The following USP25 variants were observed in gnomAD, a reference collection of about 807,000 sequenced individuals.
USP25 encodes ubiquitin specific peptidase 25.
In USP25, 85 loss-of-function variants were observed where a neutral mutation model predicts 158.5. That is an observed-to-expected ratio of 0.54 (90% CI 0.45 to 0.64). USP25 has a LOEUF of 0.64. Ranked by LOEUF, USP25 falls within the 30% of genes least tolerant of loss-of-function variation. USP25 has a pLI of 0.00. For synonymous variants in USP25, 464 were observed against 460.4 expected (o/e 1.01, Z -0.10); for missense variants, 1,242 against 1,327.3 (o/e 0.94, Z 1.00).
At chr21:15,750,291 GCACAAT>G (rs1374043512) in intron 1 of USP25, among the ~76,000 whole-genome samples, 31 of 143,782 alleles carry the variant, frequency 2.2e-4, no homozygotes, top group Non-Finnish European at 1.5e-5. Context: ...GAGTGAAGTG[GCACAAT>G]CTTGGTTCAC....
chr21:15,875,017 C>A lies in USP25; in HGVS notation c.3009+491C>A, dbSNP rs2040045452. ...CCATCTCGACTAAAATACACAAACACAAAAATTAGCTGGATATGGTGGTGT... is the reference window on the plus strand; with the variant it reads ...CCATCTCGACTAAAATACACAAACAAAAAAATTAGCTGGATATGGTGGTGT... On this transcript the variant is annotated intron_variant, in intron 24 of 25. Transcript: ENST00000400183. The surrounding 1 kb of genome is among the most constrained non-coding windows in gnomAD (Gnocchi z 4.7). Among the ~76,000 whole-genome samples the A allele has an allele frequency of 6.6e-6, 1 of 151,924 alleles. No homozygotes were observed. The highest frequency in any genetic ancestry group is 2.1e-4 in the South Asian group (1 of 4,814).
intron 1 of USP25, among the ~76,000 whole-genome samples, chr21:15,755,129 G>T (rs2033290144): frequency 6.6e-6 from 1 of 152,004 alleles, no homozygotes; most frequent in South Asian, 2.1e-4. Context: ...TGAAGTTTAA[G>T]AATGTCTTTG....
intron 12 of USP25, 31 bp downstream of exon 12, chr21:15,825,092 A>G: frequency 6.7e-7 from 1 of 1,498,328 alleles, no homozygotes. Context: ...TTAGGAGATA[A>G]TTATCAGAAA....
At chr21:15,836,815 C>T (rs567946389) in intron 17 of USP25, among the ~76,000 whole-genome samples, 2 of 132,980 alleles carry the variant, frequency 1.5e-5, no homozygotes, top group South Asian at 2.7e-4. Flanking sequence ...AGATTTTCAG[C>T]CAGCCATCCT....
intron 6 of USP25, among the ~76,000 whole-genome samples, chr21:15,800,615 A>G (rs2036085991): frequency 6.6e-6 from 1 of 151,336 alleles, no homozygotes; most frequent in African/African-American, 2.4e-5. Context: ...TTACTTATGG[A>G]GATGATATAG....
At position 15,847,751 on chromosome 21, in the gene USP25, C is replaced by T; in HGVS notation, c.2426C>T (p.Ser809Leu). 1 of 1,549,720 alleles carries T rather than the reference C, an allele frequency of 6.5e-7. No homozygotes were observed. Among genetic ancestry groups the T allele is most frequent in the Non-Finnish European group, 8.7e-7 (1 of 1,146,270 alleles). The change falls in exon 19 of 26, where the codon TCA becomes TTA. Residue 809 changes from serine (S) to leucine (L), a missense_variant. Physicochemically the swap from Ser to Leu is moderately radical, Grantham distance 145. Transcript: ENST00000400183. ...CATGTAGGGAAATTTATGATTGAAT[C>T]AAAGGAGGGGGGGTATGATGACGAG... The part of the protein sequence containing the change: ...IPHVGKFMIE[S>L]KEGGYDDEIM...
chr21:15,759,142 A>G (rs1402984969), intron 1 of USP25, among the ~76,000 whole-genome samples: 1 of 152,216 alleles, frequency 6.6e-6, no homozygotes, highest in African/African-American at 2.4e-5. Context: ...AAAATTATAA[A>G]GGATTTTATA....
At chr21:15,742,299 G>A (rs1003308519) in intron 1 of USP25, among the ~76,000 whole-genome samples, 4 of 152,110 alleles carry the variant, frequency 2.6e-5, no homozygotes, top group Admixed American at 6.6e-5. Flanking sequence ...ACATCCTCAC[G>A]GAAGTGGGAT....
At chr21:15,765,884 A>T in intron 2 of USP25, 113 bp from the exon 3 acceptor site, 1 of 1,010,542 alleles carries the variant, frequency 9.9e-7, no homozygotes, top group East Asian at 2.7e-5. Flanking sequence ...ATATAGATTA[A>T]TTGCAAATTT....
intron 1 of USP25, among the ~76,000 whole-genome samples, chr21:15,731,837 T>G (rs1429657237): frequency 6.6e-6 from 1 of 152,206 alleles, no homozygotes; most frequent in Non-Finnish European, 1.5e-5. Context: ...GACTTAAGGC[T>G]TAGGAAAGAG....
intron 5 of USP25, among the ~76,000 whole-genome samples, chr21:15,796,186 A>G (rs1012286735): frequency 1.3e-5 from 2 of 151,512 alleles, no homozygotes; most frequent in African/African-American, 4.8e-5. Context: ...TTTTGAAGGA[A>G]TACATTGGAC....
chr21:15,874,317 A>G (rs1431027403), intron 23 of USP25, 86 bp from the exon 24 acceptor site: 7 of 1,222,876 alleles, frequency 5.7e-6, no homozygotes, highest in Non-Finnish European at 7.9e-6. Context: ...ACTTAAGCAT[A>G]TACTTAAAAT....
intron 17 of USP25, among the ~76,000 whole-genome samples, chr21:15,839,826 A>G (rs1055924259): frequency 2.0e-5 from 3 of 151,864 alleles, no homozygotes; most frequent in Non-Finnish European, 4.4e-5. Flanking sequence ...CATATAGGAA[A>G]TTTTCCTGTC....
intron 9 of USP25, among the ~76,000 whole-genome samples, chr21:15,813,051 A>G (rs1008134599): frequency 6.9e-6 from 1 of 144,532 alleles, no homozygotes; most frequent in Non-Finnish European, 1.5e-5. Context: ...CCTGTTCTCT[A>G]ACCTTCATTA....
At chr21:15,787,818 G>A (rs1395235048) in intron 4 of USP25, among the ~76,000 whole-genome samples, 2 of 151,266 alleles carry the variant, frequency 1.3e-5, no homozygotes, top group Non-Finnish European at 1.5e-5. Context: ...AGGGGCTTAG[G>A]TGAGCTATGA....
intron 4 of USP25, among the ~76,000 whole-genome samples, chr21:15,782,845 A>G (rs557915724): frequency 6.6e-6 from 1 of 152,340 alleles, no homozygotes; most frequent in African/African-American, 2.4e-5. Context: ...GAATCATGAA[A>G]AAGCAAGGAA....
intron 23 of USP25, 36 bp from the exon 24 acceptor site, chr21:15,874,367 A>T: frequency 6.5e-7 from 1 of 1,549,362 alleles, no homozygotes; most frequent in Non-Finnish European, 8.8e-7. Flanking sequence ...ACAAAGGTGA[A>T]ATACTAATGT....
At chr21:15,853,713 G>A (rs146840867) in intron 20 of USP25, among the ~76,000 whole-genome samples, 363 of 152,026 alleles carry the variant, frequency 2.4e-3, no homozygotes, top group African/African-American at 8.3e-3. Flanking sequence ...TGAATTTGGT[G>A]TTTTTCTATT....
intron 17 of USP25, among the ~76,000 whole-genome samples, chr21:15,836,014 C>T (rs974160518): frequency 6.6e-6 from 1 of 152,084 alleles, no homozygotes; most frequent in African/African-American, 2.4e-5. Flanking sequence ...CCATGCCATC[C>T]TCTTCTGATT....
Sources: allele counts gnomAD v4.1 joint callset (sites outside exome capture counted in the v4.1 genomes callset), GRCh38; gene constraint gnomAD v4.1.1; non-coding constraint Gnocchi (gnomAD v3.1); transcripts MANE v1.5; gene names NCBI Gene and HGNC (gene_info 2026-07-23, HGNC 2026-07-21).